The following ZNF644 variants were observed in gnomAD, a reference collection of about 807,000 sequenced individuals.
ZNF644 encodes the protein zinc finger protein 644.
ZNF644 carries 20 observed loss-of-function variants against 108.0 expected under a neutral mutation model. The observed-to-expected ratio is 0.19, with a 90% CI of 0.13 to 0.27. The LOEUF (loss-of-function observed/expected upper bound fraction) is 0.27. ZNF644 is among the 10% of genes least tolerant of loss of function. The pLI, the probability that ZNF644 is intolerant of heterozygous loss-of-function variation, is 1.00. For synonymous variants in ZNF644, 542 were observed against 539.1 expected, an observed-to-expected ratio of 1.01 and a Z score of -0.08; for missense variants, 1,338 against 1,548.9, an observed-to-expected ratio of 0.86 and a Z score of 2.29.
At chr1:90,950,773 T>C (rs1653068124) in intron 2 of ZNF644, among the ~76,000 whole-genome samples, 5 of 152,180 alleles carry the variant, frequency 3.3e-5, no homozygotes, top group Admixed American at 3.3e-4. Flanking sequence ...AACTGGGCTA[T>C]GTATGCCCCT....
chr1:90,954,564 G>A (rs1339635426), intron 2 of ZNF644, among the ~76,000 whole-genome samples: 5 of 151,938 alleles, frequency 3.3e-5, no homozygotes, highest in East Asian at 3.9e-4. Flanking sequence ...GCACAACCAC[G>A]CCCGGCTAAT....
chr1:90,989,889 C>T (rs1657470073), intron 1 of ZNF644, among the ~76,000 whole-genome samples: 1 of 152,142 alleles, frequency 6.6e-6, no homozygotes, highest in African/African-American at 2.4e-5. Context: ...GCATTATTCA[C>T]AAGATCCAAG....
Position 90,939,631 on chromosome 1 carries a change from A to T in ZNF644, c.1723T>A (p.Ser575Thr). The change falls in exon 3 of 6, where the codon TCT (serine) becomes ACT (threonine). Residue 575 changes from serine to threonine, a missense_variant. Physicochemically the swap from Ser to Thr is moderately conservative, Grantham distance 58. Around this residue, in one of 6 missense-constraint regions of ZNF644, gnomAD observed 462 missense variants for 472.6 expected, o/e 0.98. Transcript: ENST00000337393. ...GATTTTTTGGATGATCCTACTACAG[A>T]GTCTTTCATGAAAGTCTTTTTTTGT... ...KTQKKTFMKD[S>T]VVGSSKKSAT... is the part of the protein sequence containing the mutation. The T allele has an allele frequency of 1.2e-6, 2 of 1,614,020 alleles. No homozygotes were observed. Among genetic ancestry groups the T allele is most frequent in the East Asian group, 2.2e-5 (1 of 44,884 alleles).
chr1:90,971,852 T>C (rs1448453417), intron 2 of ZNF644, among the ~76,000 whole-genome samples: 1 of 152,202 alleles, frequency 6.6e-6, no homozygotes, highest in African/African-American at 2.4e-5. Flanking sequence ...TTCAATCAGA[T>C]AGAAACCAGG....
chr1:90,967,917 C>A (rs1337813239), intron 2 of ZNF644, among the ~76,000 whole-genome samples: 1 of 150,410 alleles, frequency 6.6e-6, no homozygotes, highest in African/African-American at 2.4e-5. Flanking sequence ...AAAAATTAGC[C>A]AGGAGTGGTG....
chr1:91,017,699 C>T (rs1240324460), intron 1 of ZNF644, among the ~76,000 whole-genome samples: 1 of 152,192 alleles, frequency 6.6e-6, no homozygotes, highest in African/African-American at 2.4e-5. Context: ...CGGTGGCTCA[C>T]GCCTGTAATC....
intron 1 of ZNF644, among the ~76,000 whole-genome samples, chr1:91,011,007 A>G (rs374418968): frequency 1.2e-4 from 19 of 152,244 alleles, no homozygotes; most frequent in African/African-American, 4.1e-4. Context: ...TCTGAAAACT[A>G]TAATTAAGAA....
chr1:90,991,168 A>G (rs895528426), intron 1 of ZNF644, among the ~76,000 whole-genome samples: 5 of 152,360 alleles, frequency 3.3e-5, no homozygotes, highest in Admixed American at 2.6e-4. Context: ...AATGACAAGC[A>G]TATCAAAAGA....
intron 2 of ZNF644, among the ~76,000 whole-genome samples, chr1:90,967,933 C>A (rs1382207030): frequency 6.7e-6 from 1 of 149,892 alleles, no homozygotes; most frequent in African/African-American, 2.5e-5. Context: ...TGGTGGCAGG[C>A]ACCTGTAATC....
At chr1:90,930,948 T>A (rs938347332) in intron 4 of ZNF644, among the ~76,000 whole-genome samples, 11 of 152,172 alleles carry the variant, frequency 7.2e-5, no homozygotes, top group African/African-American at 2.4e-4. Context: ...CAAAATATAT[T>A]TTTTTTCCTG....
intron 1 of ZNF644, chr1:91,020,783 A>G (rs1660833211): frequency 6.9e-6 from 1 of 145,866 alleles, no homozygotes; most frequent in Admixed American, 7.0e-5. Context: ...AATTAAAACA[A>G]ATCTACCATC....
At position 91,006,949 on chromosome 1, in the gene ZNF644, A is replaced by G. The variant is rs184926867; in HGVS notation, c.-18+15041T>C. Among the ~76,000 whole-genome samples the G allele has an allele frequency of 1.0e-3, 152 of 152,278 alleles. 1 individual carries two copies. The highest frequency in any genetic ancestry group is 3.5e-3 in the African/African-American group (145 of 41,560). ...GATAGCTTGGTAAGGTATAGAATGA[A>G]TAGTTTGGAAATAACTTTCCTTCAG... On this transcript the variant is annotated intron_variant, in intron 1 of 5. Transcript: ENST00000337393.
At chr1:90,967,497 G>C (rs962642772) in intron 2 of ZNF644, among the ~76,000 whole-genome samples, 1 of 152,126 alleles carries the variant, frequency 6.6e-6, no homozygotes, top group Non-Finnish European at 1.5e-5. Context: ...GATTCCAAGA[G>C]AATGGGAACC....
At chr1:90,973,278 G>C (rs887724106) in intron 2 of ZNF644, 1 of 152,104 alleles carries the variant, frequency 6.6e-6, no homozygotes, top group African/African-American at 2.4e-5. Flanking sequence ...AATAAAGTAA[G>C]AGTATACATG....
In ZNF644 at chr1:90,940,545, A is replaced by G; in HGVS notation, c.809T>C (p.Met270Thr). 6.2e-7 allele frequency: 1 copy of G among 1,613,892 alleles called. No homozygotes were observed. Among genetic ancestry groups the G allele is most frequent in the Non-Finnish European group, 8.5e-7 (1 of 1,179,954 alleles). Residue 270 changes from methionine (M) to threonine (T), a missense_variant, in exon 3 of 6, where the codon ATG becomes ACG. Physicochemically the swap from Met to Thr is moderately conservative, Grantham distance 81 (BLOSUM62 -1). This residue lies in a region of ZNF644 where 464 missense variants were observed against 457.9 expected (regional missense o/e 1.01). Coordinates refer to ENST00000337393, the MANE Select transcript of ZNF644 (RefSeq NM_201269.3). The stretch of plus-strand genomic sequence containing the variant: ...TTTATCTACTGTTTCCTCATTAGTC[A>G]TAAGAAATTGAATGAACTCTTTTTG... Reference protein sequence around the residue: ...DPQKEFIQFLMTNEETVDKAP... With the variant: ...DPQKEFIQFLTTNEETVDKAP...
intron 2 of ZNF644, among the ~76,000 whole-genome samples, chr1:90,954,277 A>T (rs953337117): frequency 6.6e-6 from 1 of 152,178 alleles, no homozygotes; most frequent in Admixed American, 6.5e-5. Context: ...TTGTCATTTC[A>T]ACAATGTTCA....
chr1:90,986,546 G>A (rs1657118778), intron 1 of ZNF644, among the ~76,000 whole-genome samples: 1 of 151,940 alleles, frequency 6.6e-6, no homozygotes, highest in South Asian at 2.1e-4. Flanking sequence ...TAACAACAGG[G>A]AAAAATGACA....
intron 1 of ZNF644, among the ~76,000 whole-genome samples, chr1:90,987,961 C>T (rs75713884): frequency 0.12 from 18,001 of 152,062 alleles, 1,118 homozygotes; most frequent in South Asian, 0.16. Flanking sequence ...CACACTCAAC[C>T]GTGAAAGACT....
At chr1:90,995,465 A>T (rs887265802) in intron 1 of ZNF644, among the ~76,000 whole-genome samples, 1 of 152,196 alleles carries the variant, frequency 6.6e-6, no homozygotes, top group South Asian at 2.1e-4. Context: ...AGCATAAAAA[A>T]TTTTTTGTTG....
Sources: gnomAD v4.1 joint callset for allele counts (sites outside exome capture counted in the v4.1 genomes callset) on GRCh38, gnomAD v4.1.1 for gene constraint, gnomAD v4.1.1 regional missense constraint, MANE v1.5 for transcripts, NCBI Gene and HGNC (gene_info 2026-07-23, HGNC 2026-07-21) for gene names.